The following ZNF562 variants were observed in gnomAD, a reference collection of about 807,000 sequenced individuals.
The protein encoded by ZNF562 is zinc finger protein 562.
In ZNF562, 13 loss-of-function variants were observed where a neutral mutation model predicts 17.5. That is an observed-to-expected ratio of 0.74 (90% CI 0.48 to 1.18). ZNF562 has a LOEUF of 1.18. ZNF562 is among the 50% of genes most tolerant of loss of function. The pLI is 0.00. For synonymous variants in ZNF562, 163 were observed against 165.4 expected, an observed-to-expected ratio of 0.99 and a Z score of 0.11; for missense variants, 481 against 498.5, an observed-to-expected ratio of 0.96 and a Z score of 0.33.
chr19:9,655,717 CTTTTTTTTTTTTTTTTTTTTT>C (rs58199071), intron 5 of ZNF562, among the ~76,000 whole-genome samples: 5 of 48,696 alleles, frequency 1.0e-4, no homozygotes, highest in East Asian at 9.2e-4. Context: ...TCTTTTCTTT[CTTTTTTTTTTTTTTTTTTTTT>C]TTTTTTTTTT....
At chr19:9,665,115 AG>A (rs953710793) in intron 1 of ZNF562, among the ~76,000 whole-genome samples, 36 of 151,880 alleles carry the variant, frequency 2.4e-4, no homozygotes, top group African/African-American at 8.7e-4. Flanking sequence ...CCAGCTACTC[AG>A]GATACTGAGG....
intron 1 of ZNF562, among the ~76,000 whole-genome samples, chr19:9,663,602 G>C (rs533529176): frequency 6.6e-5 from 10 of 151,814 alleles, no homozygotes; most frequent in African/African-American, 1.9e-4. Context: ...TTTTTGAGAC[G>C]GAGTCTTGCT....
chr19:9,665,857 A>T (rs2043936026), intron 1 of ZNF562, among the ~76,000 whole-genome samples: 1 of 151,926 alleles, frequency 6.6e-6, no homozygotes, highest in South Asian at 2.1e-4. Context: ...TCTACTAAAA[A>T]GTACAAAAAG....
At chr19:9,658,813 T>G (rs1235862709) in intron 3 of ZNF562, among the ~76,000 whole-genome samples, 3 of 152,190 alleles carry the variant, frequency 2.0e-5, no homozygotes, top group African/African-American at 7.2e-5. Context: ...TCTTTTTATT[T>G]ATTTATATAT....
chr19:9,669,598 A>T (rs903042924), intron 1 of ZNF562, among the ~76,000 whole-genome samples: 2 of 152,008 alleles, frequency 1.3e-5, no homozygotes, highest in Non-Finnish European at 1.5e-5. Context: ...GCGGTGGGAG[A>T]TCACTTGAGC....
Position 9,642,796 on chromosome 19 carries a change from T to C in ZNF562, c.*10153A>G, listed in dbSNP as rs886433291. The C allele has an allele frequency of 6.6e-6, 1 of 150,856 alleles. No individual in the cohort carries two copies. Among genetic ancestry groups the C allele is most frequent in the African/African-American group, 2.4e-5 (1 of 40,926 alleles). 9.3% of individuals were successfully genotyped at this position (150,856 alleles called of 1,614,324 possible). On this transcript the variant is annotated 3_prime_UTR_variant, in exon 6 of 6. Coordinates refer to ENST00000453372, the MANE Select transcript of ZNF562 (RefSeq NM_001130031.2). ...TCATCCTAGCATTTTGGGAGGCTGA[T>C]GCAGAAGGATAACTTGAACAGGATT...
chr19:9,667,169 A>T (rs2043984613), intron 1 of ZNF562, among the ~76,000 whole-genome samples: 1 of 152,214 alleles, frequency 6.6e-6, no homozygotes, highest in Non-Finnish European at 1.5e-5. Context: ...ATCATTCATC[A>T]CAATCAAGTG....
chr19:9,665,219 T>TAAA (rs1175383402), intron 1 of ZNF562, among the ~76,000 whole-genome samples: 174 of 109,468 alleles, frequency 1.6e-3, no homozygotes, highest in African/African-American at 5.3e-3. Flanking sequence ...AGACTCTGTC[T>TAAA]AAAAAAAAAA....
Position 9,658,058 on chromosome 19 carries a change from G to A in ZNF562, c.192C>T (p.Tyr64=). The A allele has an allele frequency of 1.2e-6, 2 of 1,613,796 alleles. No homozygotes were observed. Among genetic ancestry groups the A allele is most frequent in the Non-Finnish European group, 1.7e-6 (2 of 1,179,844 alleles). ...TCTCCAGCATCACATCTCTGTAGAG[G>A]TATTTCTGAGTTGTGTCCAGTAAAG... ...EWALLDTTQK[Y]LYRDVMLENY... Residue 64 remains tyrosine, a synonymous_variant, in exon 4 of 6, where the codon TAC becomes TAT. Transcript: ENST00000453372.
chr19:9,660,560 C>T (rs1178113143), intron 2 of ZNF562, among the ~76,000 whole-genome samples, 160 bp downstream of exon 2: 1 of 150,414 alleles, frequency 6.6e-6, no homozygotes, highest in Admixed American at 6.6e-5. Context: ...GAGCTAAGAT[C>T]ATGCCATTGC....
At position 9,649,970 on chromosome 19, in the gene ZNF562, A is replaced by G. The variant is rs1463019301; in HGVS notation, c.*2979T>C. On this transcript the variant is annotated 3_prime_UTR_variant, in exon 6 of 6. Transcript: ENST00000453372. ...CAGCTTTAAAATTTCTCTCTTTTGTACTCTGTCCCTTTATTTCTCAAGTTG... is the reference window on the plus strand; with the variant it reads ...CAGCTTTAAAATTTCTCTCTTTTGTGCTCTGTCCCTTTATTTCTCAAGTTG... The G allele has an allele frequency of 1.3e-5, 2 of 151,966 alleles. No homozygotes were observed. The highest frequency in any genetic ancestry group is 4.8e-5 in the African/African-American group (2 of 41,354). The allele number at this position is 151,966 out of a possible 1,614,324, so 9.4% of individuals were successfully genotyped here.
At chr19:9,655,918 G>C (rs889759505) in intron 5 of ZNF562, among the ~76,000 whole-genome samples, 1 of 151,320 alleles carries the variant, frequency 6.6e-6, no homozygotes, top group African/African-American at 2.4e-5. Flanking sequence ...TTTTAGTAGA[G>C]ACAGAGTTTT....
At chr19:9,669,725 C>CAA (rs2044090240) in intron 1 of ZNF562, among the ~76,000 whole-genome samples, 1 of 83,024 alleles carries the variant, frequency 1.2e-5, no homozygotes, top group African/African-American at 4.6e-5. Context: ...CGAGCGCGCG[C>CAA]GCGCGCGCGC....
intron 2 of ZNF562, 40 bp downstream of exon 2, chr19:9,660,680 A>T (rs764747819): frequency 1.2e-6 from 2 of 1,609,954 alleles, no homozygotes; most frequent in Non-Finnish European, 1.7e-6. Flanking sequence ...AGGGCGACCT[A>T]AAGCAGAATC....
chr19:9,652,894 A>G lies in ZNF562; in HGVS notation c.*55T>C, dbSNP rs958152055. 3 of 1,434,730 alleles carry G rather than the reference A, an allele frequency of 2.1e-6. No homozygotes were observed. Among genetic ancestry groups the G allele is most frequent in the Non-Finnish European group, 2.8e-6 (3 of 1,084,510 alleles). The allele number at this position is 1,434,730 out of a possible 1,614,324, so 88.9% of individuals were successfully genotyped here. A position where few individuals can be genotyped will look rare whatever the true frequency, so the allele number is the denominator to read the frequency against. ...TACATACAAAAGGTTTCTCTCTGGT[A>G]GGAGTTCACAGGTGGGGTGAGGAAT... On this transcript the variant is annotated 3_prime_UTR_variant, in exon 6 of 6. Coordinates refer to ENST00000453372, the MANE Select transcript of ZNF562 (RefSeq NM_001130031.2).
rs1206726042 is a variant in ZNF562 at position 9,645,888 on chromosome 19, A to G, written c.*7061T>C. The G allele has an allele frequency of 2.0e-5, 3 of 152,210 alleles. No homozygotes were observed. Among genetic ancestry groups the G allele is most frequent in the African/African-American group, 7.2e-5 (3 of 41,462 alleles). The allele number at this position is 152,210 out of a possible 1,614,324, so 9.4% of individuals were successfully genotyped here. A position where few individuals can be genotyped will look rare whatever the true frequency, so the allele number is the denominator to read the frequency against. On this transcript the variant is annotated 3_prime_UTR_variant, in exon 6 of 6. Transcript: ENST00000453372. ...AACGAAAAGTAACATACAAATTTCAAACATCAAGAATAAAATAAATTAAAG... is the reference window on the plus strand; with the variant it reads ...AACGAAAAGTAACATACAAATTTCAGACATCAAGAATAAAATAAATTAAAG...
chr19:9,645,367 G>A lies in ZNF562; in HGVS notation c.*7582C>T, dbSNP rs555762095. On this transcript the variant is annotated 3_prime_UTR_variant, in exon 6 of 6. Transcript: ENST00000453372. Reference sequence around the variant, plus strand: ...GCCCAGAATTCTTTACTGCTAACACGAGTGGGCCTGGTTCTGGAGGATTTC... The same window carrying A: ...GCCCAGAATTCTTTACTGCTAACACAAGTGGGCCTGGTTCTGGAGGATTTC... The A allele has an allele frequency of 2.6e-5, 4 of 152,114 alleles. No homozygotes were observed. The highest frequency in any genetic ancestry group is 4.4e-5 in the Non-Finnish European group (3 of 68,038). The allele number at this position is 152,114 out of a possible 1,614,324, so 9.4% of individuals were successfully genotyped here.
rs982367714 is a variant in ZNF562 at position 9,648,920 on chromosome 19, C to G, written c.*4029G>C. On this transcript the variant is annotated 3_prime_UTR_variant, in exon 6 of 6. Coordinates refer to ENST00000453372, the MANE Select transcript of ZNF562 (RefSeq NM_001130031.2). Reference sequence around the variant, plus strand: ...AATAAATTCAAGAGGAATTCAGCCTCATAAACTATGAAATATTGGGAAATA... The same window carrying G: ...AATAAATTCAAGAGGAATTCAGCCTGATAAACTATGAAATATTGGGAAATA... 2.6e-5 allele frequency: 4 copies of G among 152,124 alleles called. No homozygotes were observed. Among genetic ancestry groups the G allele is most frequent in the African/African-American group, 9.7e-5 (4 of 41,422 alleles). The allele number at this position is 152,124 out of a possible 1,614,324, so 9.4% of individuals were successfully genotyped here.
At chr19:9,654,254 G>C (rs1340308438) in intron 5 of ZNF562, among the ~76,000 whole-genome samples, 1 of 152,038 alleles carries the variant, frequency 6.6e-6, no homozygotes, top group Non-Finnish European at 1.5e-5. Context: ...GCCTCCCAAA[G>C]TGGTAAGATT....
Sources: gnomAD v4.1 joint callset for allele counts (sites outside exome capture counted in the v4.1 genomes callset) on GRCh38, gnomAD v4.1.1 for gene constraint, MANE v1.5 for transcripts, NCBI Gene and HGNC (gene_info 2026-07-23, HGNC 2026-07-21) for gene names.